Variants in TENM3 observed in about 807,000 individuals in gnomAD.
TENM3 encodes the protein teneurin transmembrane protein 3, also known as teneurin-3.
In TENM3, 63 loss-of-function variants were observed where a neutral mutation model predicts 255.1. The ratio of observed to expected loss-of-function variants is 0.25; its 90% CI spans 0.20 to 0.30. TENM3 has a LOEUF of 0.30. TENM3 is among the 10% of genes least tolerant of loss of function. The probability of loss-of-function intolerance (pLI) is 1.00; values close to 1 mark genes in which losing one functional copy is unlikely to be tolerated. For synonymous variants in TENM3, 1,306 were observed against 1,322.3 expected (o/e 0.99, Z 0.27); for missense variants, 2,929 against 3,461.1 (o/e 0.85, Z 3.86).
chr4:182,108,340 G>A, the TENM3 span, among the ~76,000 whole-genome samples: 1 of 152,170 alleles, frequency 6.6e-6, no homozygotes, highest in African/African-American at 2.4e-5. Flanking sequence ...TGACAGGAAG[G>A]CTCCAATAAA....
chr4:182,044,589 A>G, the TENM3 span, among the ~76,000 whole-genome samples: 2 of 152,268 alleles, frequency 1.3e-5, no homozygotes, highest in African/African-American at 2.4e-5. Flanking sequence ...GAGGTGGTGA[A>G]GAGGATAGAA....
chr4:182,730,371 G>T (rs750039491), intron 15 of TENM3, 52 bp downstream of exon 15: 19 of 1,600,794 alleles, frequency 1.2e-5, no homozygotes, highest in Non-Finnish European at 1.6e-5. Flanking sequence ...ATAAAAACTA[G>T]ACCTTCCTGT....
the TENM3 span, among the ~76,000 whole-genome samples, chr4:181,858,881 T>G: frequency 6.6e-6 from 1 of 152,094 alleles, no homozygotes; most frequent in South Asian, 2.1e-4. Context: ...ATGTGAGCTT[T>G]GTACTGTTGG....
chr4:182,451,957 T>C (rs1258751296), intron 3 of TENM3, among the ~76,000 whole-genome samples: 1 of 152,244 alleles, frequency 6.6e-6, no homozygotes, highest in Non-Finnish European at 1.5e-5. Context: ...CAGGACAATA[T>C]ATTTGTTTTA....
intron 12 of TENM3, among the ~76,000 whole-genome samples, chr4:182,696,743 C>T (rs1010255501): frequency 3.3e-5 from 5 of 151,950 alleles, no homozygotes; most frequent in African/African-American, 7.3e-5. Context: ...AACAAAAATG[C>T]ATATGACTTC....
At chr4:181,906,705 C>T in the TENM3 span, among the ~76,000 whole-genome samples, 2 of 152,018 alleles carry the variant, frequency 1.3e-5, no homozygotes, top group Admixed American at 1.3e-4. Flanking sequence ...CTTGCTTTTT[C>T]TTGTTTCTTG....
At chr4:181,576,756 A>C in the TENM3 span, among the ~76,000 whole-genome samples, 1 of 150,054 alleles carries the variant, frequency 6.7e-6, no homozygotes, top group Admixed American at 6.7e-5. Context: ...TATATCTCTT[A>C]TAGCAGCTAC....
chr4:182,284,790 T>A (rs1331437282), intron 1 of TENM3, among the ~76,000 whole-genome samples: 1 of 152,154 alleles, frequency 6.6e-6, no homozygotes, highest in African/African-American at 2.4e-5. Flanking sequence ...CACCGAAAGC[T>A]TATAATTGTT....
intron 3 of TENM3, among the ~76,000 whole-genome samples, chr4:182,450,514 G>A (rs1424158878): frequency 6.6e-6 from 1 of 152,178 alleles, no homozygotes; most frequent in Non-Finnish European, 1.5e-5. Context: ...AAATGTTGGT[G>A]TTATCCCATT....
the TENM3 span, among the ~76,000 whole-genome samples, chr4:181,618,320 A>G: frequency 6.6e-6 from 1 of 152,178 alleles, no homozygotes; most frequent in African/African-American, 2.4e-5. Flanking sequence ...GCTCTGCAGC[A>G]CTTCATTCAG....
chr4:182,391,607 A>G (rs1375221615), intron 3 of TENM3, among the ~76,000 whole-genome samples: 2 of 152,258 alleles, frequency 1.3e-5, no homozygotes, highest in Admixed American at 6.5e-5. Context: ...AGCAGATTCA[A>G]TAAATGTAAT....
the TENM3 span, among the ~76,000 whole-genome samples, chr4:182,138,711 G>T: frequency 6.6e-6 from 1 of 152,154 alleles, no homozygotes; most frequent in Non-Finnish European, 1.5e-5. Flanking sequence ...ACATGTTATA[G>T]GTGCTTGCTA....
At position 182,362,095 on chromosome 4, in the gene TENM3, T is replaced by C. The variant is rs1422781082; in HGVS notation, c.511+15166T>C. Among the ~76,000 whole-genome samples, 10 of 152,126 alleles carry C rather than the reference T, an allele frequency of 6.6e-5. No individual in the cohort carries two copies. The East Asian group carries it at 1.4e-3, about 21-fold the overall frequency. The stretch of plus-strand genomic sequence containing the variant: ...CTCTGGAAGTTTTGTCTCAGAGGAG[T>C]ACCCGGCCGTTTGAGGTGTTAGTCT... On this transcript the variant is annotated intron_variant, in intron 3 of 27. Transcript: ENST00000511685.
At chr4:182,039,825 A>G in the TENM3 span, among the ~76,000 whole-genome samples, 2 of 150,412 alleles carry the variant, frequency 1.3e-5, no homozygotes, top group Admixed American at 6.6e-5. Flanking sequence ...AGCAAACATC[A>G]GTTAAATAAA....
the TENM3 span, among the ~76,000 whole-genome samples, chr4:181,570,866 G>T: frequency 6.6e-6 from 1 of 152,218 alleles, no homozygotes; most frequent in Non-Finnish European, 1.5e-5. Flanking sequence ...GGTGGTGAAA[G>T]CGCTCAAGCC....
chr4:181,449,645 G>T, the TENM3 span, among the ~76,000 whole-genome samples: 1 of 152,008 alleles, frequency 6.6e-6, no homozygotes, highest in Non-Finnish European at 1.5e-5. Context: ...AATTTACCCG[G>T]GCATGGTGGT....
chr4:181,833,896 C>T, the TENM3 span, among the ~76,000 whole-genome samples: 4 of 152,262 alleles, frequency 2.6e-5, no homozygotes, highest in African/African-American at 9.6e-5. Flanking sequence ...TAACACAGCA[C>T]CTGGCACTTA....
intron 4 of TENM3, among the ~76,000 whole-genome samples, chr4:182,603,784 T>TATATATATATAC (rs58332965): frequency 2.2e-3 from 294 of 134,178 alleles, no homozygotes; most frequent in African/African-American, 7.8e-3. Context: ...TATATATATA[T>TATATATATATAC]ACACACACAC....
At chr4:181,911,280 G>A in the TENM3 span, among the ~76,000 whole-genome samples, 51 of 152,056 alleles carry the variant, frequency 3.4e-4, no homozygotes, top group Non-Finnish European at 6.9e-4. Flanking sequence ...TGGAAAATTG[G>A]GCGTCTTCAA....
Sources: allele counts gnomAD v4.1 joint callset (sites outside exome capture counted in the v4.1 genomes callset), GRCh38; gene constraint gnomAD v4.1.1; transcripts MANE v1.5; gene names NCBI Gene and HGNC (gene_info 2026-07-23, HGNC 2026-07-21).